KIAA0513: variants seen among roughly 807,000 people sequenced by gnomAD.
The protein encoded by KIAA0513 is KIAA0513.
KIAA0513 carries 39 observed loss-of-function variants against 56.5 expected under a neutral mutation model. The ratio of observed to expected loss-of-function variants is 0.69; its 90% CI spans 0.53 to 0.90. The LOEUF is 0.90. KIAA0513 is among the 40% of genes least tolerant of loss of function. The probability of loss-of-function intolerance (pLI) is 0.00; values close to 1 mark genes in which losing one functional copy is unlikely to be tolerated. For synonymous variants in KIAA0513, 268 were observed against 215.6 expected, an observed-to-expected ratio of 1.24 and a Z score of -2.13; for missense variants, 591 against 535.2, an observed-to-expected ratio of 1.10 and a Z score of -1.03.
At chr16:85,078,575 G>C in intron 7 of KIAA0513, 120 bp downstream of exon 7, 1 of 921,506 alleles carries the variant, frequency 1.1e-6, no homozygotes, top group Non-Finnish European at 1.7e-6. Flanking sequence ...CCTTGCCCTG[G>C]GTGATGCCCC....
At chr16:85,069,800 T>C (rs2073545278) in intron 2 of KIAA0513, among the ~76,000 whole-genome samples, 1 of 152,078 alleles carries the variant, frequency 6.6e-6, no homozygotes, top group Non-Finnish European at 1.5e-5. Context: ...ACAAGATCAG[T>C]AGACAGTTCT....
At position 85,081,487 on chromosome 16, in the gene KIAA0513, T is replaced by C. The variant is rs975405065; in HGVS notation, c.980+95T>C. The stretch of plus-strand genomic sequence containing the variant: ...CGGAAGAGGAGAGCAGAAGAGCAGC[T>C]GAGTGGACGTGTCTGTTTTTTCTTC... On this transcript the variant is annotated intron_variant, in intron 9 of 12. Coordinates refer to ENST00000683363, the MANE Select transcript of KIAA0513 (RefSeq NM_001388359.1). The surrounding 1 kb of genome is among the most constrained non-coding windows in gnomAD (Gnocchi z 4.4). The C allele has an allele frequency of 9.2e-7, 1 of 1,088,032 alleles. No individual in the cohort carries two copies. The highest frequency in any genetic ancestry group is 2.0e-4 in the Middle Eastern group (1 of 5,038). 67.4% of individuals were successfully genotyped at this position (1,088,032 alleles called of 1,614,324 possible).
chr16:85,044,511 T>TA (rs1446937199), intron 1 of KIAA0513, among the ~76,000 whole-genome samples: 5 of 124,082 alleles, frequency 4.0e-5, no homozygotes, highest in African/African-American at 1.9e-4. Flanking sequence ...TTTATTTTTA[T>TA]TTTTTTTTTT....
chr16:85,033,214 C>A (rs117802895), intron 1 of KIAA0513, among the ~76,000 whole-genome samples: 3 of 152,156 alleles, frequency 2.0e-5, no homozygotes, highest in Non-Finnish European at 4.4e-5. Context: ...AGCAATCCAG[C>A]GACCTGCCCG....
chr16:85,036,380 ACT>A (rs1179594358), intron 1 of KIAA0513, among the ~76,000 whole-genome samples: 3 of 152,050 alleles, frequency 2.0e-5, no homozygotes, highest in African/African-American at 7.3e-5. Context: ...CCAGTTTCTG[ACT>A]CTGTGGATTC....
intron 1 of KIAA0513, among the ~76,000 whole-genome samples, chr16:85,056,237 T>C (rs561168789): frequency 6.6e-6 from 1 of 152,328 alleles, no homozygotes; most frequent in African/African-American, 2.4e-5. Context: ...ATAGGAGCCA[T>C]GCCTTCCTAA....
intron 10 of KIAA0513, among the ~76,000 whole-genome samples, chr16:85,083,106 C>T (rs1218079552): frequency 2.0e-5 from 3 of 152,276 alleles, no homozygotes; most frequent in South Asian, 2.1e-4. Flanking sequence ...GTCCTGGGGC[C>T]GCCAGTTTGA....
chr16:85,080,392 A>G (rs1366696471), intron 8 of KIAA0513, among the ~76,000 whole-genome samples: 1 of 152,252 alleles, frequency 6.6e-6, no homozygotes, highest in African/African-American at 2.4e-5. Context: ...GAGACGTTGT[A>G]TAAATGGATG....
intron 12 of KIAA0513, among the ~76,000 whole-genome samples, 178 bp downstream of exon 12, chr16:85,087,344 A>G (rs1445659681): frequency 6.6e-6 from 1 of 152,196 alleles, no homozygotes; most frequent in Non-Finnish European, 1.5e-5. Flanking sequence ...ACAGACGCAC[A>G]GGACACCTCT....
intron 1 of KIAA0513, among the ~76,000 whole-genome samples, chr16:85,031,799 C>T (rs898139710): frequency 1.2e-4 from 19 of 152,174 alleles, no homozygotes; most frequent in Admixed American, 1.1e-3. Flanking sequence ...GTTCCTTTTT[C>T]CTCTGATCCC....
intron 1 of KIAA0513, among the ~76,000 whole-genome samples, chr16:85,037,331 G>A (rs533613088): frequency 3.9e-5 from 6 of 152,176 alleles, no homozygotes; most frequent in Admixed American, 3.3e-4. Flanking sequence ...GCGTGTGGAC[G>A]GCTGCTGTGA....
intron 1 of KIAA0513, among the ~76,000 whole-genome samples, chr16:85,046,030 G>A (rs1449779669): frequency 6.6e-6 from 1 of 152,170 alleles, no homozygotes; most frequent in Non-Finnish European, 1.5e-5. Context: ...TCGTGCCACA[G>A]CCCCTGGAAA....
At chr16:85,079,155 G>A in intron 8 of KIAA0513, 152 bp downstream of exon 8, 2 of 1,459,344 alleles carry the variant, frequency 1.4e-6, no homozygotes, top group Non-Finnish European at 9.1e-7. Context: ...ACACTCACAG[G>A]CGTTGGTGAG....
At chr16:85,062,027 T>G (rs908138530) in intron 1 of KIAA0513, among the ~76,000 whole-genome samples, 2 of 152,126 alleles carry the variant, frequency 1.3e-5, no homozygotes, top group African/African-American at 4.8e-5. Flanking sequence ...TGGTTCTCCC[T>G]CTTTCCATCT....
At position 85,036,343 on chromosome 16, in the gene KIAA0513, C is replaced by G. The variant is rs112312635; in HGVS notation, c.-173+8485C>G. ...CATTTGCAGTCTCTGCCCCTGCCTC[C>G]CAAACTGGCCTCTGACAACCACTAA... On this transcript the variant is annotated intron_variant, in intron 1 of 12. Transcript: ENST00000683363. Among the ~76,000 whole-genome samples, 287 of 152,336 alleles carry G rather than the reference C, an allele frequency of 1.9e-3. 2 individuals carry two copies. The highest frequency in any genetic ancestry group is 6.7e-3 in the African/African-American group (279 of 41,556).
intron 1 of KIAA0513, among the ~76,000 whole-genome samples, chr16:85,049,987 C>CCGGA (rs1308627375): frequency 1.3e-5 from 2 of 152,180 alleles, no homozygotes. Context: ...ATTCAGCTGT[C>CCGGA]CCGGAGTCAG....
chr16:85,037,821 C>T (rs144902702), intron 1 of KIAA0513, among the ~76,000 whole-genome samples: 1 of 152,310 alleles, frequency 6.6e-6, no homozygotes, highest in East Asian at 1.9e-4. Context: ...AAAGAAGTAG[C>T]ATCTCTCACG....
At chr16:85,035,461 C>G (rs1267962186) in intron 1 of KIAA0513, among the ~76,000 whole-genome samples, 1 of 152,144 alleles carries the variant, frequency 6.6e-6, no homozygotes, top group African/African-American at 2.4e-5. Flanking sequence ...ATCTCTCTCA[C>G]TTTGCTTACG....
At chr16:85,085,161 G>A (rs2144102766) in intron 10 of KIAA0513, among the ~76,000 whole-genome samples, 1 of 152,348 alleles carries the variant, frequency 6.6e-6, no homozygotes, top group African/African-American at 2.4e-5. Context: ...CAACCCTCAG[G>A]GTGGCTGTTT....
Sources: gnomAD v4.1 joint callset for allele counts (sites outside exome capture counted in the v4.1 genomes callset) on GRCh38, gnomAD v4.1.1 for gene constraint, Gnocchi (gnomAD v3.1) non-coding constraint, MANE v1.5 for transcripts, NCBI Gene and HGNC (gene_info 2026-07-23, HGNC 2026-07-21) for gene names.